DEPDC1B: variants seen among roughly 807,000 people sequenced by gnomAD.
DEPDC1B encodes the protein DEP domain containing 1B.
DEPDC1B carries 51 observed loss-of-function variants against 66.5 expected under a neutral mutation model. That is an observed-to-expected ratio of 0.77 (90% CI 0.61 to 0.97). DEPDC1B has a LOEUF of 0.97. Ranked by LOEUF, DEPDC1B falls within the 50% of genes least tolerant of loss-of-function variation. The pLI is 0.00. For synonymous variants in DEPDC1B, 226 were observed against 223.6 expected (o/e 1.01, Z -0.10); for missense variants, 552 against 637.1 (o/e 0.87, Z 1.44).
chr5:60,611,948 C>T (rs777858339), intron 7 of DEPDC1B, among the ~76,000 whole-genome samples: 1 of 152,180 alleles, frequency 6.6e-6, no homozygotes, highest in Non-Finnish European at 1.5e-5. Flanking sequence ...TAGACAAAAA[C>T]AGCCTTTAAT....
chr5:60,614,784 A>C (rs1215609296), intron 7 of DEPDC1B, among the ~76,000 whole-genome samples: 1 of 152,198 alleles, frequency 6.6e-6, no homozygotes, highest in Non-Finnish European at 1.5e-5. Context: ...TGAGGTCAGG[A>C]GTTCGAGACC....
At chr5:60,617,568 A>G (rs1401883984) in intron 7 of DEPDC1B, among the ~76,000 whole-genome samples, 1 of 152,228 alleles carries the variant, frequency 6.6e-6, no homozygotes, top group Non-Finnish European at 1.5e-5. Context: ...TAAAGGGATC[A>G]ATTCAACAAG....
At chr5:60,607,985 G>A (rs1752344494) in intron 7 of DEPDC1B, among the ~76,000 whole-genome samples, 1 of 152,068 alleles carries the variant, frequency 6.6e-6, no homozygotes, top group African/African-American at 2.4e-5. Flanking sequence ...AGACTGAGGG[G>A]TTCATTATAA....
rs935102539 is a variant in DEPDC1B at position 60,620,429 on chromosome 5, G to A, written c.899-14573C>T. On this transcript the variant is annotated intron_variant, in intron 7 of 10. Transcript: ENST00000265036. ...AATATCCAGAATCTACAATGAACTCGAACAAATTTACAAGAAAAAAACAAA... is the reference window on the plus strand; with the variant it reads ...AATATCCAGAATCTACAATGAACTCAAACAAATTTACAAGAAAAAAACAAA... Among the ~76,000 whole-genome samples, 1,015 of 151,848 alleles carry A rather than the reference G, an allele frequency of 6.7e-3. 5 individuals carry two copies. Among genetic ancestry groups the A allele is most frequent in the South Asian group, 9.6e-3 (46 of 4,796 alleles).
chr5:60,640,702 T>C (rs1000096413), intron 6 of DEPDC1B, among the ~76,000 whole-genome samples: 2 of 152,118 alleles, frequency 1.3e-5, no homozygotes, highest in African/African-American at 2.4e-5. Context: ...TAAACACAGA[T>C]GGGCTGAAGA....
chr5:60,618,091 G>A (rs936777759), intron 7 of DEPDC1B, among the ~76,000 whole-genome samples: 7 of 152,196 alleles, frequency 4.6e-5, no homozygotes, highest in Non-Finnish European at 4.4e-5. Flanking sequence ...TGAAACCAAT[G>A]AGAACAAAGA....
chr5:60,626,043 A>T (rs1016237892), intron 7 of DEPDC1B, among the ~76,000 whole-genome samples: 1 of 151,254 alleles, frequency 6.6e-6, no homozygotes, highest in Non-Finnish European at 1.5e-5. Flanking sequence ...GATTCTAGTG[A>T]TTTTTTTTGT....
In DEPDC1B at chr5:60,644,894, T is replaced by C. The variant is rs1753274680; in HGVS notation, c.579-19A>G. 1 of 1,548,142 alleles carries C rather than the reference T, an allele frequency of 6.5e-7. No homozygotes were observed. Among genetic ancestry groups the C allele is most frequent in the South Asian group, 1.2e-5 (1 of 84,690 alleles). On this transcript the variant is annotated intron_variant, in intron 4 of 10. Transcript: ENST00000265036. Reference sequence around the variant, plus strand: ...CTGTAAGCTAAAAGATAAGTAATTATATTAATTAGTTCTGTCTTTAATATT... The same window carrying C: ...CTGTAAGCTAAAAGATAAGTAATTACATTAATTAGTTCTGTCTTTAATATT...
chr5:60,606,501 A>C (rs1197685045), intron 7 of DEPDC1B, among the ~76,000 whole-genome samples: 1 of 150,480 alleles, frequency 6.6e-6, no homozygotes, highest in African/African-American at 2.5e-5. Context: ...AGCCAGGCAC[A>C]GTGGCTCACG....
chr5:60,660,845 A>T (rs1753697766), intron 2 of DEPDC1B, among the ~76,000 whole-genome samples: 1 of 152,238 alleles, frequency 6.6e-6, no homozygotes, highest in Non-Finnish European at 1.5e-5. Flanking sequence ...AACCAGACCT[A>T]GGAGGAACTC....
At chr5:60,698,127 T>C (rs893287132) in intron 1 of DEPDC1B, among the ~76,000 whole-genome samples, 23 of 152,198 alleles carry the variant, frequency 1.5e-4, no homozygotes, top group Admixed American at 5.2e-4. Context: ...AATAAATTGG[T>C]GAAGGGAATG....
chr5:60,619,355 G>C (rs1044454445), intron 7 of DEPDC1B, among the ~76,000 whole-genome samples: 1 of 152,198 alleles, frequency 6.6e-6, no homozygotes, highest in Admixed American at 6.5e-5. Flanking sequence ...AATTGTCCCT[G>C]TTTGCAGATG....
chr5:60,622,292 C>A (rs1175152828), intron 7 of DEPDC1B, among the ~76,000 whole-genome samples: 2 of 152,106 alleles, frequency 1.3e-5, no homozygotes, highest in Non-Finnish European at 2.9e-5. Flanking sequence ...CCATAGATTC[C>A]CCTTTCCTAG....
chr5:60,697,082 C>G (rs1041462571), intron 1 of DEPDC1B, among the ~76,000 whole-genome samples: 12 of 152,032 alleles, frequency 7.9e-5, no homozygotes, highest in African/African-American at 2.9e-4. Flanking sequence ...TAAGCAGTTT[C>G]TAGAAAAAAA....
At chr5:60,695,764 C>T (rs1169229897) in intron 1 of DEPDC1B, among the ~76,000 whole-genome samples, 1 of 152,112 alleles carries the variant, frequency 6.6e-6, no homozygotes, top group Non-Finnish European at 1.5e-5. Flanking sequence ...GGACAAGGCC[C>T]CTGTCTTCTT....
At chr5:60,604,221 T>TG in intron 8 of DEPDC1B, among the ~76,000 whole-genome samples, 1 of 115,500 alleles carries the variant, frequency 8.7e-6, no homozygotes, top group Admixed American at 8.7e-5. Context: ...AACTATTCTT[T>TG]TTTTTTTTTT....
intron 7 of DEPDC1B, among the ~76,000 whole-genome samples, chr5:60,621,128 G>A (rs1050279054): frequency 2.0e-5 from 3 of 151,922 alleles, no homozygotes; most frequent in Admixed American, 6.6e-5. Flanking sequence ...ATCACACACC[G>A]GGGACTGTTG....
intron 2 of DEPDC1B, among the ~76,000 whole-genome samples, chr5:60,654,089 C>A (rs1389606081): frequency 1.3e-5 from 2 of 149,066 alleles, no homozygotes; most frequent in African/African-American, 5.1e-5. Context: ...GCTATGTGGG[C>A]TCTTTTTTGG....
At chr5:60,668,305 C>T (rs1371412839) in intron 2 of DEPDC1B, among the ~76,000 whole-genome samples, 1 of 139,894 alleles carries the variant, frequency 7.1e-6, no homozygotes, top group African/African-American at 2.7e-5. Flanking sequence ...GATGGAGTCT[C>T]GCTCTGTCAC....
Sources: allele counts gnomAD v4.1 joint callset (sites outside exome capture counted in the v4.1 genomes callset), GRCh38; gene constraint gnomAD v4.1.1; transcripts MANE v1.5; gene names NCBI Gene and HGNC (gene_info 2026-07-23, HGNC 2026-07-21).